Variants in ARL17A observed in about 807,000 individuals in gnomAD.
The protein encoded by ARL17A is ADP-ribosylation factor-like 17-like.
At chr17:46,544,046 G>A (rs1310901510) in intron 3 of ARL17A, among the ~76,000 whole-genome samples, 1 of 129,450 alleles carries the variant, frequency 7.7e-6, no homozygotes, top group African/African-American at 3.7e-5. Flanking sequence ...GAGCACAGGA[G>A]ACAGAGGCTG....
chr17:46,502,799 G>GTTT, the ARL17A span, among the ~76,000 whole-genome samples: 1 of 151,234 alleles, frequency 6.6e-6, no homozygotes, highest in African/African-American at 2.5e-5. Flanking sequence ...TATCCAAGGT[G>GTTT]ACAACTGTCT....
At chr17:46,575,806 C>G (rs1315273934) in intron 2 of ARL17A, among the ~76,000 whole-genome samples, 1 of 7,604 alleles carries the variant, frequency 1.3e-4, no homozygotes, top group East Asian at 8.6e-4. Context: ...ATGGCAAAAC[C>G]CCGTCTCTAC....
At chr17:46,503,461 TCAA>T in the ARL17A span, among the ~76,000 whole-genome samples, 9 of 140,174 alleles carry the variant, frequency 6.4e-5, no homozygotes, top group Admixed American at 7.2e-5. Flanking sequence ...CATAAACAAA[TCAA>T]CAAAGAATTA....
At chr17:46,558,122 C>T (rs1160551366) in intron 3 of ARL17A, among the ~76,000 whole-genome samples, 5 of 129,106 alleles carry the variant, frequency 3.9e-5, no homozygotes, top group Non-Finnish European at 6.5e-5. Context: ...TGCAATGGCA[C>T]GATCTCAGCT....
intron 4 of ARL17A, among the ~76,000 whole-genome samples, chr17:46,535,027 C>T (rs529736875): frequency 2.2e-4 from 33 of 149,794 alleles, no homozygotes; most frequent in South Asian, 1.7e-3. Context: ...CGGGCAGAGG[C>T]GCTCCTCACA....
At chr17:46,558,538 C>A (rs1402344488) in intron 3 of ARL17A, among the ~76,000 whole-genome samples, 4 of 115,258 alleles carry the variant, frequency 3.5e-5, no homozygotes, top group African/African-American at 1.4e-4. Context: ...AGGCACCCAC[C>A]ACCATGCCCG....
chr17:46,503,517 AT>A, the ARL17A span, among the ~76,000 whole-genome samples: 75 of 135,776 alleles, frequency 5.5e-4, 5 homozygotes, highest in African/African-American at 2.2e-3. Context: ...AAATTTGACT[AT>A]TTGTATCATT....
intron 4 of ARL17A, among the ~76,000 whole-genome samples, chr17:46,532,294 A>T (rs542341577): frequency 1.3e-5 from 2 of 150,222 alleles, no homozygotes; most frequent in South Asian, 4.2e-4. Context: ...CTTCATGTTT[A>T]CAGAATACTC....
chr17:46,534,207 A>T (rs558914482), intron 4 of ARL17A, among the ~76,000 whole-genome samples: 1 of 140,664 alleles, frequency 7.1e-6, no homozygotes, highest in African/African-American at 2.7e-5. Context: ...GTTTTTTTTA[A>T]TTTTTTTTTA....
At chr17:46,525,845 C>A (rs2052680327), downstream of ARL17A, among the ~76,000 whole-genome samples, 1 of 90,006 alleles carries the variant, frequency 1.1e-5, no homozygotes, top group Admixed American at 1.1e-4. Context: ...GACTTTCATT[C>A]CTCAAGGAGG....
At chr17:46,512,916 A>T (rs535443275), downstream of ARL17A, 1 of 801,656 alleles carries the variant, frequency 1.2e-6, no homozygotes, top group East Asian at 2.5e-5. Context: ...CCCATTTCCC[A>T]CGGGAATCTC....
intron 4 of ARL17A, among the ~76,000 whole-genome samples, chr17:46,534,452 G>A (rs1598406940): frequency 2.7e-5 from 4 of 148,820 alleles, no homozygotes; most frequent in Non-Finnish European, 3.0e-5. Flanking sequence ...ATCTTGCACC[G>A]CCCTTAATCC....
the ARL17A span, among the ~76,000 whole-genome samples, chr17:46,502,236 A>G: frequency 6.6e-6 from 1 of 151,080 alleles, no homozygotes; most frequent in African/African-American, 2.5e-5. Context: ...CATTCATATT[A>G]GATTTATTTA....
At chr17:46,516,133 T>C (rs1293140710), downstream of ARL17A, among the ~76,000 whole-genome samples, 1 of 148,162 alleles carries the variant, frequency 6.7e-6, no homozygotes, top group African/African-American at 2.6e-5. Flanking sequence ...ACCCCATCTC[T>C]ACTAAAAATA....
downstream of ARL17A, among the ~76,000 whole-genome samples, chr17:46,550,917 G>A (rs1186447379): frequency 6.7e-6 from 1 of 148,362 alleles, no homozygotes; most frequent in Non-Finnish European, 1.5e-5. Flanking sequence ...CCCTGGAGAG[G>A]AAGGAGAGAG....
intron 3 of ARL17A, among the ~76,000 whole-genome samples, chr17:46,568,982 G>A (rs1276739479): frequency 7.9e-5 from 8 of 101,654 alleles, no homozygotes; most frequent in East Asian, 5.2e-4. Context: ...TCGCCCTGTC[G>A]CCCAGGCTGG....
At chr17:46,548,213 G>C, downstream of ARL17A, 1 of 280,514 alleles carries the variant, frequency 3.6e-6, no homozygotes, top group Non-Finnish European at 5.7e-6. Context: ...TCGAATGTTT[G>C]CTGACTCCTA....
At chr17:46,545,826 A>G (rs1226861343) in intron 3 of ARL17A, among the ~76,000 whole-genome samples, 2 of 150,060 alleles carry the variant, frequency 1.3e-5, no homozygotes, top group Admixed American at 1.3e-4. Flanking sequence ...AATCCAGGTT[A>G]AACTAAGCTA....
chr17:46,568,517 G>A lies in ARL17A; in HGVS notation c.259+2242C>T, dbSNP rs1379015566. 2.1e-4 allele frequency among the ~76,000 whole-genome samples: 24 copies of A among 114,676 alleles called. 3 individuals carry two copies. The highest frequency in any genetic ancestry group is 6.9e-4 in the African/African-American group (20 of 29,056). The allele number at this position is 114,676 out of a possible 152,430, so 75.2% of individuals were successfully genotyped here. A position where few individuals can be genotyped will look rare whatever the true frequency, so the allele number is the denominator to read the frequency against. Reference sequence around the variant, plus strand: ...AGTTAAAAAAAAAAAAAAAAAGAGGGGGGGAGGCCAGGCGAGGTGGCTCAC... The same window carrying A: ...AGTTAAAAAAAAAAAAAAAAAGAGGAGGGGAGGCCAGGCGAGGTGGCTCAC... On this transcript the variant is annotated intron_variant, in intron 3 of 3. Transcript: ENST00000336125.
Sources: allele counts gnomAD v4.1 joint callset (sites outside exome capture counted in the v4.1 genomes callset), GRCh38; gene constraint gnomAD v4.1.1; transcripts MANE v1.5; gene names NCBI Gene and HGNC (gene_info 2026-07-23, HGNC 2026-07-21).